The following SPTBN4 variants were observed in gnomAD, a reference collection of about 807,000 sequenced individuals.
SPTBN4 encodes spectrin beta chain, non-erythrocytic 4.
SPTBN4 carries 96 observed loss-of-function variants against 277.8 expected under a neutral mutation model. The ratio of observed to expected loss-of-function variants is 0.35; its 90% CI spans 0.29 to 0.41. SPTBN4 has a LOEUF of 0.41. Ranked by LOEUF, SPTBN4 falls within the 10% of genes least tolerant of loss-of-function variation. The probability of loss-of-function intolerance (pLI) is 1.00; values close to 1 mark genes in which losing one functional copy is unlikely to be tolerated. For synonymous variants in SPTBN4, 1,481 were observed against 1,580.3 expected, an observed-to-expected ratio of 0.94 and a Z score of 1.49; for missense variants, 3,006 against 3,595.7, an observed-to-expected ratio of 0.84 and a Z score of 4.19.
At chr19:40,500,022 C>T (rs890498222) in intron 7 of SPTBN4, among the ~76,000 whole-genome samples, 17 of 95,408 alleles carry the variant, frequency 1.8e-4, no homozygotes, top group Non-Finnish European at 3.0e-4. Flanking sequence ...GCAGGAGGAT[C>T]GCTTGAGGCC....
At chr19:40,540,913 G>C (rs1025894501) in intron 20 of SPTBN4, among the ~76,000 whole-genome samples, 14 of 150,106 alleles carry the variant, frequency 9.3e-5, no homozygotes, top group Non-Finnish European at 1.5e-5. Context: ...TAGCTCACTT[G>C]CTTTTGCCAA....
chr19:40,569,813 C>G (rs1463382337), intron 32 of SPTBN4, 87 bp downstream of exon 32: 10 of 1,302,198 alleles, frequency 7.7e-6, no homozygotes, highest in African/African-American at 1.5e-5. Flanking sequence ...GTGCCTAGCC[C>G]TGGCAGGACC....
rs766190790 is a variant in SPTBN4 at position 40,546,006 on chromosome 19, C to T, written c.4360-3183C>T. Among the ~76,000 whole-genome samples, 51 of 146,876 alleles carry T rather than the reference C, an allele frequency of 3.5e-4. 1 individual carries two copies. Among genetic ancestry groups the T allele is most frequent in the Admixed American group, 1.1e-3 (16 of 14,378 alleles). Reference sequence around the variant, plus strand: ...TGGAGCTTGCAGTGAGCCAAGATAGCACCATTGCACTCCAGCCTGGGCGAA... The same window carrying T: ...TGGAGCTTGCAGTGAGCCAAGATAGTACCATTGCACTCCAGCCTGGGCGAA... On this transcript the variant is annotated intron_variant, in intron 20 of 35. Coordinates refer to ENST00000598249, the MANE Select transcript of SPTBN4 (RefSeq NM_020971.3).
In SPTBN4 at chr19:40,574,910, G is replaced by C. The variant is rs186050827; in HGVS notation, c.7537-501G>C. Reference sequence around the variant, plus strand: ...CGTGCCTGTAGTCCCAGACACTCAGGAGACTGAGGCACAAGAATCTCTTGA... The same window carrying C: ...CGTGCCTGTAGTCCCAGACACTCAGCAGACTGAGGCACAAGAATCTCTTGA... On this transcript the variant is annotated intron_variant, in intron 35 of 35. Transcript: ENST00000598249. 2.3e-3 allele frequency among the ~76,000 whole-genome samples: 347 copies of C among 151,344 alleles called. 2 individuals are homozygous for C. Among genetic ancestry groups the C allele is most frequent in the African/African-American group, 8.0e-3 (328 of 41,204 alleles).
intron 32 of SPTBN4, 129 bp downstream of exon 32, chr19:40,569,855 T>C (rs2081132850): frequency 5.7e-6 from 5 of 872,340 alleles, no homozygotes; most frequent in South Asian, 3.6e-5. Context: ...AGAGACAGCA[T>C]GGACTCTCAG....
intron 2 of SPTBN4, among the ~76,000 whole-genome samples, chr19:40,487,451 T>G (rs553166458): frequency 3.2e-4 from 49 of 151,670 alleles, no homozygotes; most frequent in African/African-American, 1.1e-3. Context: ...GTTCAAGCAA[T>G]TCTCCTGCCT....
At position 40,478,164 on chromosome 19, in the gene SPTBN4, C is replaced by T. The variant is rs368606921; in HGVS notation, c.169+5374C>T. Among the ~76,000 whole-genome samples the T allele has an allele frequency of 5.0e-4, 76 of 152,054 alleles. 1 individual carries two copies. The highest frequency in any genetic ancestry group is 1.7e-3 in the African/African-American group (72 of 41,470). On this transcript the variant is annotated intron_variant, in intron 2 of 35. Transcript: ENST00000598249. ...AGAAGCCAGCTCTTAAAGGGCCTTG[C>T]GGGGTACCAGGGAGCTATGGAAAGA... is the stretch of plus-strand genomic sequence containing the variant.
At position 40,502,079 on chromosome 19, in the gene SPTBN4, G is replaced by T; in HGVS notation, c.897+46G>T. ...GGTGAGTGGGAAGCTGGAAGCTGGT[G>T]GCAGGCACGGGTGGGATGAGGCTGA... On this transcript the variant is annotated intron_variant, in intron 8 of 35. Coordinates refer to ENST00000598249, the MANE Select transcript of SPTBN4 (RefSeq NM_020971.3). The surrounding 1 kb of genome is among the most constrained non-coding windows in gnomAD (Gnocchi z 4.9). 6.2e-7 allele frequency: 1 copy of T among 1,613,534 alleles called. No homozygotes were observed. Among genetic ancestry groups the T allele is most frequent in the East Asian group, 2.2e-5 (1 of 44,898 alleles).
At chr19:40,530,220 T>C (rs2080647925) in intron 18 of SPTBN4, among the ~76,000 whole-genome samples, 1 of 151,962 alleles carries the variant, frequency 6.6e-6, no homozygotes. Context: ...ACTCCCTTAG[T>C]GAGGCAGTCC....
Position 40,535,285 on chromosome 19 carries a change from T to C in SPTBN4, c.4359+942T>C, listed in dbSNP as rs529022362. On this transcript the variant is annotated intron_variant, in intron 20 of 35. Transcript: ENST00000598249. ...ATTGCCTAGGGTAGTCTCAAACTCT[T>C]GGGCTCAAGCAACCCTCCCGCCTCA... Among the ~76,000 whole-genome samples, 3 of 152,228 alleles carry C rather than the reference T, an allele frequency of 2.0e-5. No homozygotes were observed. In the South Asian group the frequency reaches 6.2e-4, roughly 32 times the overall value.
intron 16 of SPTBN4, 59 bp from the exon 17 acceptor site, chr19:40,523,378 T>C: frequency 6.6e-7 from 1 of 1,504,266 alleles, no homozygotes; most frequent in Non-Finnish European, 9.0e-7. Flanking sequence ...GCTGGCAGCC[T>C]CTCCCAGGTC....
chr19:40,527,125 T>A (rs1170456649), intron 17 of SPTBN4, among the ~76,000 whole-genome samples: 4 of 152,214 alleles, frequency 2.6e-5, no homozygotes, highest in Admixed American at 6.5e-5. Context: ...CTGTCTCCTA[T>A]ACACTCTGTC....
intron 17 of SPTBN4, 61 bp downstream of exon 17, chr19:40,523,700 G>T: frequency 6.7e-7 from 1 of 1,503,140 alleles, no homozygotes. Context: ...CAGCATAGGG[G>T]AGTGGTGTGG....
intron 30 of SPTBN4, 90 bp from the exon 31 acceptor site, chr19:40,567,573 G>A: frequency 7.7e-7 from 1 of 1,302,288 alleles, no homozygotes; most frequent in Non-Finnish European, 1.0e-6. Flanking sequence ...GAGTGATGAG[G>A]CAGAAAAACC....
chr19:40,566,098 C>T, intron 29 of SPTBN4, 65 bp from the exon 30 acceptor site: 1 of 1,422,416 alleles, frequency 7.0e-7, no homozygotes, highest in Non-Finnish European at 9.3e-7. Flanking sequence ...GCCAGGGGAA[C>T]AGCCATTGCC....
At chr19:40,478,989 A>G (rs1261356341) in intron 2 of SPTBN4, among the ~76,000 whole-genome samples, 3 of 152,330 alleles carry the variant, frequency 2.0e-5, no homozygotes, top group East Asian at 3.9e-4. Flanking sequence ...TAGTAACTTC[A>G]TGATGCTGCT....
At chr19:40,563,188 G>C (rs2081060178) in intron 27 of SPTBN4, among the ~76,000 whole-genome samples, 1 of 151,998 alleles carries the variant, frequency 6.6e-6, no homozygotes, top group Non-Finnish European at 1.5e-5. Context: ...CTCCAGCCTG[G>C]GTGACAGAGC....
rs938382336 is a variant in SPTBN4 at position 40,497,079 on chromosome 19, A to T, written c.669-410A>T. Among the ~76,000 whole-genome samples, 283 of 151,350 alleles carry T rather than the reference A, an allele frequency of 1.9e-3. 1 individual carries two copies. Among genetic ancestry groups the T allele is most frequent in the Non-Finnish European group, 3.7e-3 (254 of 67,764 alleles). On this transcript the variant is annotated intron_variant, in intron 6 of 35. Transcript: ENST00000598249. ...CAGAGCGAGACTCCATCTCAAAAAA[A>T]AAAAAAAAAAAAAAAAGAGGTACAT...
At position 40,522,825 on chromosome 19, in the gene SPTBN4, C is replaced by T. The variant is rs73544923; in HGVS notation, c.3655-612C>T. Among the ~76,000 whole-genome samples, 1,034 of 151,972 alleles carry T rather than the reference C, an allele frequency of 6.8e-3. 10 individuals are homozygous for T. Among genetic ancestry groups the T allele is most frequent in the African/African-American group, 0.023 (943 of 41,448 alleles). On this transcript the variant is annotated intron_variant, in intron 16 of 35. Transcript: ENST00000598249. ...CATCGCTAATATTGCCAGGTACATG[C>T]TATGAGAAATAATACAGGAGGGTTG...
Sources: allele counts gnomAD v4.1 joint callset (sites outside exome capture counted in the v4.1 genomes callset), GRCh38; gene constraint gnomAD v4.1.1; non-coding constraint Gnocchi (gnomAD v3.1); transcripts MANE v1.5; gene names NCBI Gene and HGNC (gene_info 2026-07-23, HGNC 2026-07-21).